Variants in EHBP1 observed in about 807,000 individuals in gnomAD.
EHBP1 encodes EH domain-binding protein 1.
A neutral mutation model predicts 144.0 loss-of-function variants in EHBP1; 55 were observed. The ratio of observed to expected loss-of-function variants is 0.38; its 90% CI spans 0.31 to 0.48. EHBP1 has a LOEUF of 0.48. Ranked by LOEUF, EHBP1 falls within the 20% of genes least tolerant of loss-of-function variation. The probability of loss-of-function intolerance (pLI) is 0.98; values close to 1 mark genes in which losing one functional copy is unlikely to be tolerated. For synonymous variants in EHBP1, 469 were observed against 472.7 expected, an observed-to-expected ratio of 0.99 and a Z score of 0.10; for missense variants, 1,200 against 1,364.2, an observed-to-expected ratio of 0.88 and a Z score of 1.90.
At chr2:62,867,261 G>A (rs1279711584) in intron 9 of EHBP1, among the ~76,000 whole-genome samples, 1 of 152,090 alleles carries the variant, frequency 6.6e-6, no homozygotes, top group Non-Finnish European at 1.5e-5. Flanking sequence ...AAAGGATACT[G>A]TTTTAAGCTT....
chr2:62,821,594 C>T (rs963335365), intron 5 of EHBP1, among the ~76,000 whole-genome samples: 1 of 152,056 alleles, frequency 6.6e-6, no homozygotes, highest in African/African-American at 2.4e-5. Context: ...GTAGGAGGAT[C>T]GCTTGAGCCC....
intron 7 of EHBP1, among the ~76,000 whole-genome samples, chr2:62,834,162 A>G (rs2047036413): frequency 6.6e-6 from 1 of 152,232 alleles, no homozygotes; most frequent in African/African-American, 2.4e-5. Flanking sequence ...ACTTCTGGTG[A>G]AGATGCTGTG....
intron 3 of EHBP1, among the ~76,000 whole-genome samples, chr2:62,760,116 T>C (rs2040648536): frequency 6.6e-6 from 1 of 152,244 alleles, no homozygotes; most frequent in Non-Finnish European, 1.5e-5. Context: ...AGGTTTTGCA[T>C]CTTGTGCACA....
At chr2:63,000,837 C>T (rs941161387) in intron 19 of EHBP1, among the ~76,000 whole-genome samples, 9 of 151,802 alleles carry the variant, frequency 5.9e-5, no homozygotes, top group Admixed American at 5.3e-4. Flanking sequence ...TGTGTGTGTA[C>T]GTCTGTGTAT....
At chr2:62,901,595 A>G (rs2053420512) in intron 10 of EHBP1, among the ~76,000 whole-genome samples, 1 of 152,130 alleles carries the variant, frequency 6.6e-6, no homozygotes, top group African/African-American at 2.4e-5. Context: ...TAATGATGAT[A>G]ACAGGGTTAG....
chr2:63,019,865 AAGG>A (rs2060645257), intron 19 of EHBP1, among the ~76,000 whole-genome samples: 1 of 139,714 alleles, frequency 7.2e-6, no homozygotes, highest in Non-Finnish European at 1.6e-5. Context: ...GGAAGGAAGG[AAGG>A]AAGGAAGGAA....
chr2:62,979,343 A>C lies in EHBP1; in HGVS notation c.2608+8A>C, dbSNP rs577014303. 6.2e-7 allele frequency: 1 copy of C among 1,612,646 alleles called. No homozygotes were observed. The highest frequency in any genetic ancestry group is 8.5e-7 in the Non-Finnish European group (1 of 1,179,126). ...GGTCAAAGGCATCTGGAGGTGAGTT[A>C]AAGAATCTTCTATCATTCTACAGAC... On this transcript the variant is annotated splice_region_variant and intron_variant, in intron 15 of 22. Transcript: ENST00000431489.
In EHBP1 at chr2:62,786,896, A is replaced by G. The variant is rs149385768; in HGVS notation, c.312+15504A>G. On this transcript the variant is annotated intron_variant, in intron 5 of 22. Coordinates refer to ENST00000431489, the MANE Select transcript of EHBP1 (RefSeq NM_001142616.3). ...GAGCAGTTCTTGATTCCTGTCTTCA[A>G]AACTCTAAGGGACCCCTGTAGCCTG... Among the ~76,000 whole-genome samples the G allele has an allele frequency of 1.7e-3, 259 of 152,304 alleles. 1 individual carries two copies. The highest frequency in any genetic ancestry group is 6.0e-3 in the African/African-American group (248 of 41,558).
intron 7 of EHBP1, among the ~76,000 whole-genome samples, chr2:62,853,040 A>T (rs960521704): frequency 3.9e-5 from 6 of 152,186 alleles, no homozygotes; most frequent in Non-Finnish European, 7.3e-5. Flanking sequence ...GTTATGCAAA[A>T]TATATTTACT....
At chr2:62,823,489 TC>T (rs2046132903) in intron 5 of EHBP1, among the ~76,000 whole-genome samples, 1 of 152,094 alleles carries the variant, frequency 6.6e-6, no homozygotes, top group African/African-American at 2.4e-5. Flanking sequence ...CCCTGGCTGA[TC>T]CCTAGTCCCT....
intron 8 of EHBP1, 132 bp from the exon 9 acceptor site, chr2:62,864,599 T>G: frequency 1.2e-6 from 1 of 809,370 alleles, no homozygotes; most frequent in Admixed American, 3.0e-5. Flanking sequence ...TATTGTTTTA[T>G]TATTGCTTTG....
intron 10 of EHBP1, among the ~76,000 whole-genome samples, chr2:62,916,126 G>C (rs531935629): frequency 1.3e-5 from 2 of 152,230 alleles, no homozygotes; most frequent in East Asian, 3.9e-4. Context: ...TTTGAGTCCA[G>C]CCTGGGCAAC....
intron 2 of EHBP1, among the ~76,000 whole-genome samples, chr2:62,722,505 A>G (rs1011848634): frequency 1.3e-5 from 2 of 152,148 alleles, no homozygotes; most frequent in Admixed American, 1.3e-4. Flanking sequence ...ATGTAATGTT[A>G]TTACTTAATC....
chr2:62,951,284 T>C (rs927142760), intron 13 of EHBP1, among the ~76,000 whole-genome samples: 3 of 152,244 alleles, frequency 2.0e-5, no homozygotes, highest in African/African-American at 7.2e-5. Flanking sequence ...TTATAAGTTT[T>C]CAGAGGTGTC....
At chr2:62,862,376 A>C (rs1417333530) in intron 8 of EHBP1, among the ~76,000 whole-genome samples, 1 of 152,318 alleles carries the variant, frequency 6.6e-6, no homozygotes, top group African/African-American at 2.4e-5. Context: ...TGGGAGGCTG[A>C]GGCGGGCAGA....
At chr2:62,731,044 TC>T (rs1246376290) in intron 2 of EHBP1, among the ~76,000 whole-genome samples, 1 of 151,404 alleles carries the variant, frequency 6.6e-6, no homozygotes, top group Admixed American at 6.6e-5. Context: ...AGTCTTTCCA[TC>T]CATGTACAGA....
At chr2:62,722,216 C>T (rs780705277) in intron 2 of EHBP1, among the ~76,000 whole-genome samples, 2 of 152,066 alleles carry the variant, frequency 1.3e-5, no homozygotes, top group Non-Finnish European at 2.9e-5. Flanking sequence ...ACTGCAACCT[C>T]TGCCTCCTGG....
At chr2:62,736,815 A>G (rs2038181214) in intron 2 of EHBP1, among the ~76,000 whole-genome samples, 1 of 152,206 alleles carries the variant, frequency 6.6e-6, no homozygotes, top group Non-Finnish European at 1.5e-5. Flanking sequence ...TAAGTATTCC[A>G]GTATCCCTGC....
chr2:62,907,605 C>A (rs1409959315), intron 10 of EHBP1, among the ~76,000 whole-genome samples: 2 of 152,160 alleles, frequency 1.3e-5, no homozygotes, highest in Admixed American at 1.3e-4. Context: ...TGGACTCTTA[C>A]AAGGACACTA....
Sources: allele counts gnomAD v4.1 joint callset (sites outside exome capture counted in the v4.1 genomes callset), GRCh38; gene constraint gnomAD v4.1.1; transcripts MANE v1.5; gene names NCBI Gene and HGNC (gene_info 2026-07-23, HGNC 2026-07-21).